PBRM1: variants seen among roughly 807,000 people sequenced by gnomAD.
PBRM1 encodes the protein protein polybromo-1.
PBRM1 carries 27 observed loss-of-function variants against 194.5 expected under a neutral mutation model. The ratio of observed to expected loss-of-function variants is 0.14; its 90% CI spans 0.10 to 0.19. The LOEUF is 0.19. Ranked by LOEUF, PBRM1 falls within the 10% of genes least tolerant of loss-of-function variation. The pLI is 1.00. For missense variants in PBRM1, 1,466 were observed against 2,077.2 expected, an observed-to-expected ratio of 0.71 and a Z score of 5.72; for synonymous variants, 655 against 693.2, an observed-to-expected ratio of 0.94 and a Z score of 0.87.
At chr3:52,599,608 G>GA (rs1458103047) in intron 17 of PBRM1, among the ~76,000 whole-genome samples, 4 of 149,484 alleles carry the variant, frequency 2.7e-5, no homozygotes, top group Admixed American at 6.7e-5. Flanking sequence ...TCAGGAGATC[G>GA]AGACCATCCT....
intron 4 of PBRM1, among the ~76,000 whole-genome samples, chr3:52,658,586 G>C (rs768626516): frequency 1.3e-5 from 2 of 151,892 alleles, no homozygotes; most frequent in Admixed American, 6.6e-5. Context: ...GTAGAGACGG[G>C]GTTTCACTAT....
intron 3 of PBRM1, among the ~76,000 whole-genome samples, chr3:52,664,079 G>T (rs1004093092): frequency 6.7e-6 from 1 of 150,110 alleles, no homozygotes; most frequent in Non-Finnish European, 1.5e-5. Flanking sequence ...AAAAAAAGTT[G>T]GGCACGGTGG....
chr3:52,614,913 C>T (rs1037239522), intron 15 of PBRM1, among the ~76,000 whole-genome samples: 5 of 152,128 alleles, frequency 3.3e-5, no homozygotes, highest in Non-Finnish European at 5.9e-5. Flanking sequence ...ACAGACTACA[C>T]TCAAATGATA....
chr3:52,616,326 TA>T (rs2094950370), intron 14 of PBRM1, among the ~76,000 whole-genome samples: 1 of 152,128 alleles, frequency 6.6e-6, no homozygotes, highest in African/African-American at 2.4e-5. Flanking sequence ...GTAAAGTGGA[TA>T]AAAAGATATC....
chr3:52,622,457 G>A (rs1360554161), intron 13 of PBRM1, among the ~76,000 whole-genome samples: 1 of 152,124 alleles, frequency 6.6e-6, no homozygotes, highest in African/African-American at 2.4e-5. Context: ...GGACATAAAG[G>A]GTCCTGTGCT....
intron 17 of PBRM1, among the ~76,000 whole-genome samples, chr3:52,591,346 G>A (rs2093013684): frequency 6.6e-6 from 1 of 152,058 alleles, no homozygotes; most frequent in African/African-American, 2.4e-5. Context: ...TTTTCAAAGG[G>A]AATGTTTCCA....
At chr3:52,627,143 T>G (rs564997939) in intron 13 of PBRM1, 130 bp downstream of exon 14, 1 of 521,836 alleles carries the variant, frequency 1.9e-6, no homozygotes, top group Non-Finnish European at 3.4e-6. Flanking sequence ...AAATGAATTT[T>G]AAAAGAGAAC....
intron 17 of PBRM1, among the ~76,000 whole-genome samples, chr3:52,596,667 T>C (rs1479671505): frequency 6.6e-6 from 1 of 151,948 alleles, no homozygotes; most frequent in African/African-American, 2.4e-5. Context: ...AATGGGTGCC[T>C]CAGGACTGCC....
chr3:52,577,538 G>T (rs34735556), intron 21 of PBRM1, among the ~76,000 whole-genome samples: 9,115 of 150,578 alleles, frequency 0.061, 360 homozygotes, highest in Non-Finnish European at 0.085. Context: ...CATTATTATT[G>T]CTCCATATTA....
intron 3 of PBRM1, among the ~76,000 whole-genome samples, chr3:52,667,694 AG>A (rs1416874350): frequency 6.7e-6 from 1 of 148,662 alleles, no homozygotes; most frequent in African/African-American, 2.5e-5. Context: ...AAGAGGTTGC[AG>A]TGAGCTGAGA....
chr3:52,684,538 A>G (rs2097277116), upstream of PBRM1, among the ~76,000 whole-genome samples: 1 of 151,894 alleles, frequency 6.6e-6, no homozygotes, highest in Non-Finnish European at 1.5e-5. Flanking sequence ...GAAAAAAACC[A>G]CTCTTAACGT....
chr3:52,558,119 C>T, intron 26 of PBRM1, 130 bp downstream of exon 28: 1 of 663,976 alleles, frequency 1.5e-6, no homozygotes, highest in Admixed American at 3.1e-5. Context: ...TATAGGACAA[C>T]ATGGATGACT....
chr3:52,590,715 A>T (rs1369937882), intron 17 of PBRM1, among the ~76,000 whole-genome samples: 2 of 152,092 alleles, frequency 1.3e-5, no homozygotes, highest in Admixed American at 1.3e-4. Flanking sequence ...TGCCCGCCTT[A>T]GCCTCCTAAA....
intron 26 of PBRM1, 35 bp from the exon 29 acceptor site, chr3:52,554,914 T>C (rs1361303356): frequency 6.3e-7 from 1 of 1,593,554 alleles, no homozygotes; most frequent in South Asian, 1.1e-5. Context: ...ACATGCATCA[T>C]TAACATGCAA....
chr3:52,610,358 G>A (rs1033328291), intron 15 of PBRM1, among the ~76,000 whole-genome samples: 2 of 152,168 alleles, frequency 1.3e-5, no homozygotes, highest in Admixed American at 1.3e-4. Flanking sequence ...ATGAACTTAT[G>A]ATGTAATTTA....
upstream of PBRM1, among the ~76,000 whole-genome samples, chr3:52,680,721 G>A (rs1283513919): frequency 1.3e-5 from 2 of 151,900 alleles, no homozygotes; most frequent in Non-Finnish European, 2.9e-5. Flanking sequence ...ACAGTGGCAC[G>A]ATCTCTGCTC....
exon 12 of PBRM1, chr3:52,629,011 A>G: frequency 6.2e-7 from 1 of 1,609,248 alleles, no homozygotes. Flanking sequence ...CTAAAGTTTC[A>G]TATTCTTGAT....
At chr3:52,563,345 G>C (rs780455849) in exon 24 of PBRM1, 4 of 1,614,098 alleles carry the variant, frequency 2.5e-6, no homozygotes, top group Non-Finnish European at 2.5e-6. Flanking sequence ...AGCTGAGGTA[G>C]AGAAGGAGGT....
At chr3:52,551,308 T>G (rs1407284326) in intron 27 of PBRM1, among the ~76,000 whole-genome samples, 2 of 152,216 alleles carry the variant, frequency 1.3e-5, no homozygotes, top group African/African-American at 4.8e-5. Flanking sequence ...AGGCACAGCC[T>G]TGCTATCCCC....
Sources: allele counts gnomAD v4.1 joint callset (sites outside exome capture counted in the v4.1 genomes callset), GRCh38; gene constraint gnomAD v4.1.1; transcripts MANE v1.5; gene names NCBI Gene and HGNC (gene_info 2026-07-23, HGNC 2026-07-21).